The following ZNF385B variants were observed in gnomAD, a reference collection of about 807,000 sequenced individuals.
ZNF385B encodes the protein zinc finger protein 533.
Under a neutral mutation model 39.2 loss-of-function variants are expected in ZNF385B, and 23 were observed. That is an observed-to-expected ratio of 0.59 (90% CI 0.42 to 0.83). The LOEUF (loss-of-function observed/expected upper bound fraction) is 0.83, where lower values mean the gene tolerates loss of function less well. Ranked by LOEUF, ZNF385B falls within the 40% of genes least tolerant of loss-of-function variation. ZNF385B has a pLI of 0.00. For missense variants in ZNF385B, 552 were observed against 598.9 expected, an observed-to-expected ratio of 0.92 and a Z score of 0.82; for synonymous variants, 205 against 222.6, an observed-to-expected ratio of 0.92 and a Z score of 0.70.
At chr2:179,455,984 G>A (rs577826298) in intron 6 of ZNF385B, among the ~76,000 whole-genome samples, 1 of 151,960 alleles carries the variant, frequency 6.6e-6, no homozygotes, top group Non-Finnish European at 1.5e-5. Flanking sequence ...AGGCTGTACT[G>A]CCTAGATGTG....
intron 3 of ZNF385B, among the ~76,000 whole-genome samples, chr2:179,690,118 C>A (rs1559093506): frequency 6.6e-6 from 1 of 152,114 alleles, no homozygotes; most frequent in African/African-American, 2.4e-5. Context: ...CCATCTGTTG[C>A]TTGCCCAGGC....
chr2:179,527,133 G>C (rs999082897), intron 4 of ZNF385B, among the ~76,000 whole-genome samples: 8 of 152,152 alleles, frequency 5.3e-5, no homozygotes, highest in African/African-American at 1.9e-4. Context: ...TTTGAGGCTG[G>C]TTGACTACAG....
At chr2:179,749,375 C>T (rs1049490939) in intron 3 of ZNF385B, among the ~76,000 whole-genome samples, 1 of 152,016 alleles carries the variant, frequency 6.6e-6, no homozygotes, top group African/African-American at 2.4e-5. Flanking sequence ...GCCCTTCCAC[C>T]TCCTCCAAAC....
intron 1 of ZNF385B, among the ~76,000 whole-genome samples, chr2:179,795,144 T>G (rs1367248090): frequency 6.6e-6 from 1 of 151,578 alleles, no homozygotes; most frequent in Non-Finnish European, 1.5e-5. Flanking sequence ...TCAAGGAAGC[T>G]AAAAAAGAAA....
chr2:179,451,919 CT>C (rs2050191003), intron 6 of ZNF385B, among the ~76,000 whole-genome samples: 1 of 151,958 alleles, frequency 6.6e-6, no homozygotes, highest in South Asian at 2.1e-4. Flanking sequence ...GTACTGTTTA[CT>C]TCTGTTTCTC....
rs145623392 is a variant in ZNF385B at position 179,444,888 on chromosome 2, C to T, written c.1230G>A (p.Pro410=). Residue 410 remains proline (P), a synonymous_variant, in exon 9 of 10, where the codon CCG becomes CCA. Coordinates refer to ENST00000410066, the MANE Select transcript of ZNF385B (RefSeq NM_152520.6). The part of the protein sequence containing the change: ...YSPYNKLQRS[P]SILAAKLAFQ... ...GAGGTAAACTTACTGCTAGAATACT[C>T]GGGCTCCGCTGGAGTTTGTTGTAAG... The T allele has an allele frequency of 2.8e-5, 45 of 1,613,892 alleles. No homozygotes were observed. Among genetic ancestry groups the T allele is most frequent in the African/African-American group, 4.0e-5 (3 of 74,922 alleles).
intron 4 of ZNF385B, among the ~76,000 whole-genome samples, chr2:179,544,357 C>T (rs1004377971): frequency 6.6e-6 from 1 of 152,048 alleles, no homozygotes; most frequent in Non-Finnish European, 1.5e-5. Context: ...CTACAATAGC[C>T]CCCAAATAGA....
At chr2:179,733,548 C>G (rs900026823) in intron 3 of ZNF385B, among the ~76,000 whole-genome samples, 4 of 151,984 alleles carry the variant, frequency 2.6e-5, no homozygotes, top group Non-Finnish European at 5.9e-5. Flanking sequence ...TTTGGGAGGC[C>G]GAGGCGGGCG....
chr2:179,828,155 T>G (rs1707783034), intron 1 of ZNF385B, among the ~76,000 whole-genome samples: 1 of 152,216 alleles, frequency 6.6e-6, no homozygotes, highest in African/African-American at 2.4e-5. Context: ...TTATAAATGA[T>G]GCTGCTATGA....
intron 1 of ZNF385B, among the ~76,000 whole-genome samples, chr2:179,834,809 C>G (rs1708161443): frequency 6.6e-6 from 1 of 152,150 alleles, no homozygotes; most frequent in East Asian, 1.9e-4. Context: ...ATATCATCAA[C>G]AAACTAACAT....
chr2:179,820,450 C>T (rs895807074), intron 1 of ZNF385B, among the ~76,000 whole-genome samples: 26 of 151,800 alleles, frequency 1.7e-4, no homozygotes, highest in African/African-American at 5.6e-4. Flanking sequence ...TTAGTCAGTT[C>T]TATTGTTTTT....
chr2:179,576,465 G>GTCATTT (rs1574870279), intron 3 of ZNF385B, among the ~76,000 whole-genome samples: 1 of 152,138 alleles, frequency 6.6e-6, no homozygotes, highest in East Asian at 1.9e-4. Context: ...ACACTAACAT[G>GTCATTT]GCCTACATGG....
At chr2:179,757,761 C>A (rs1374763009) in intron 3 of ZNF385B, among the ~76,000 whole-genome samples, 1 of 152,150 alleles carries the variant, frequency 6.6e-6, no homozygotes, top group Non-Finnish European at 1.5e-5. Flanking sequence ...CCCTCCAAGC[C>A]AGGTGCGGGA....
chr2:179,754,619 G>A (rs560071617), intron 3 of ZNF385B, among the ~76,000 whole-genome samples: 58 of 152,094 alleles, frequency 3.8e-4, no homozygotes, highest in Admixed American at 9.2e-4. Flanking sequence ...GCCTGTTATT[G>A]GTCTCTTCAG....
intron 3 of ZNF385B, among the ~76,000 whole-genome samples, chr2:179,553,921 C>G (rs1228652733): frequency 1.3e-5 from 2 of 148,900 alleles, no homozygotes; most frequent in Non-Finnish European, 3.0e-5. Context: ...CTGTTAAAAG[C>G]ACCAACTCAG....
chr2:179,520,148 A>C (rs1367362478), intron 4 of ZNF385B, among the ~76,000 whole-genome samples: 2 of 151,966 alleles, frequency 1.3e-5, no homozygotes, highest in Admixed American at 6.6e-5. Context: ...ACTGGGCAAC[A>C]CAGCAAGACC....
intron 3 of ZNF385B, among the ~76,000 whole-genome samples, chr2:179,644,260 T>G (rs1456083513): frequency 6.6e-6 from 1 of 152,186 alleles, no homozygotes; most frequent in Non-Finnish European, 1.5e-5. Context: ...AAGGTAATGT[T>G]AGCAGTTCAC....
chr2:179,589,777 GA>G (rs1687396353), intron 3 of ZNF385B, among the ~76,000 whole-genome samples: 3 of 152,158 alleles, frequency 2.0e-5, no homozygotes, highest in African/African-American at 4.8e-5. Flanking sequence ...GCAGGTTTGT[GA>G]AAAGTCCCAC....
At chr2:179,784,649 A>G (rs778968007) in intron 1 of ZNF385B, among the ~76,000 whole-genome samples, 36 of 152,068 alleles carry the variant, frequency 2.4e-4, no homozygotes, top group Non-Finnish European at 4.6e-4. Context: ...AAAAACTGTG[A>G]ATTCAGAAAA....
Sources: gnomAD v4.1 joint callset for allele counts (sites outside exome capture counted in the v4.1 genomes callset) on GRCh38, gnomAD v4.1.1 for gene constraint, MANE v1.5 for transcripts, NCBI Gene and HGNC (gene_info 2026-07-23, HGNC 2026-07-21) for gene names.